The following SLC39A11 variants were observed in gnomAD, a reference collection of about 807,000 sequenced individuals.
SLC39A11 encodes the protein zinc transporter ZIP11.
In SLC39A11, 33 loss-of-function variants were observed where a neutral mutation model predicts 36.1. The ratio of observed to expected loss-of-function variants is 0.91; its 90% CI spans 0.69 to 1.22. SLC39A11 has a LOEUF of 1.22. Ranked by LOEUF, SLC39A11 falls within the 50% of genes most tolerant of loss-of-function variation. The pLI is 0.00. For missense variants in SLC39A11, 432 were observed against 430.3 expected (o/e 1.00, Z -0.03); for synonymous variants, 166 against 170.3 (o/e 0.97, Z 0.20).
intron 3 of SLC39A11, among the ~76,000 whole-genome samples, chr17:73,053,319 T>C (rs1233723081): frequency 6.6e-6 from 1 of 151,946 alleles, no homozygotes; most frequent in Non-Finnish European, 1.5e-5. Flanking sequence ...TAGGAGTCTG[T>C]ATGGAGAAGT....
intron 5 of SLC39A11, among the ~76,000 whole-genome samples, chr17:72,863,600 G>A (rs2080150768): frequency 6.6e-6 from 1 of 152,122 alleles, no homozygotes; most frequent in Non-Finnish European, 1.5e-5. Flanking sequence ...CACCTCAAGT[G>A]GCAAGTTCTG....
chr17:73,047,582 G>C (rs1015862589), intron 3 of SLC39A11, among the ~76,000 whole-genome samples: 7 of 152,050 alleles, frequency 4.6e-5, no homozygotes, highest in African/African-American at 1.7e-4. Context: ...ACAGAGGCTG[G>C]AGAGGTTAAA....
At chr17:73,008,438 C>G (rs1339304203) in intron 4 of SLC39A11, among the ~76,000 whole-genome samples, 2 of 152,242 alleles carry the variant, frequency 1.3e-5, no homozygotes, top group Non-Finnish European at 2.9e-5. Flanking sequence ...CCCGTGCCGA[C>G]TGCCCAAGTG....
intron 6 of SLC39A11, among the ~76,000 whole-genome samples, chr17:72,808,976 C>G (rs764852825): frequency 1.3e-5 from 2 of 152,144 alleles, no homozygotes; most frequent in Non-Finnish European, 2.9e-5. Context: ...ACTTGGCTGT[C>G]CTTATGTTAA....
rs954760488 is a variant in SLC39A11, at chr17:72,914,426, A to G, written c.430+33326T>C. ...TAGCAGTGATATAGTATTAGGTATGATAAGTAACCTAGAGATGACTGAAAG... is the reference window on the plus strand; with the variant it reads ...TAGCAGTGATATAGTATTAGGTATGGTAAGTAACCTAGAGATGACTGAAAG... On this transcript the variant is annotated intron_variant, in intron 5 of 9. Transcript: ENST00000255559. Among the ~76,000 whole-genome samples, 6 of 152,242 alleles carry G rather than the reference A, an allele frequency of 3.9e-5. 1 individual carries two copies. Among genetic ancestry groups the G allele is most frequent in the Non-Finnish European group, 8.8e-5 (6 of 68,040 alleles).
At chr17:72,986,196 C>A (rs2088736385) in intron 4 of SLC39A11, among the ~76,000 whole-genome samples, 1 of 152,320 alleles carries the variant, frequency 6.6e-6, no homozygotes, top group South Asian at 2.1e-4. Context: ...CCCTAGGAAA[C>A]CAGTTCACTC....
chr17:72,789,110 C>T (rs1016188779), intron 6 of SLC39A11, among the ~76,000 whole-genome samples: 3 of 151,762 alleles, frequency 2.0e-5, no homozygotes, highest in African/African-American at 7.3e-5. Context: ...TCTCAGCTCA[C>T]TGCAACCTCT....
chr17:72,760,330 T>C (rs973139297), intron 6 of SLC39A11, among the ~76,000 whole-genome samples: 1 of 152,216 alleles, frequency 6.6e-6, no homozygotes. Flanking sequence ...GCCCAGCCAT[T>C]GTGGAGCATA....
chr17:72,918,757 G>A (rs776353788), intron 5 of SLC39A11, among the ~76,000 whole-genome samples: 10 of 152,068 alleles, frequency 6.6e-5, no homozygotes, highest in East Asian at 1.9e-4. Context: ...AAGGGCCCCC[G>A]GCCAGCCTTA....
At chr17:72,944,197 A>G (rs2085284679) in intron 5 of SLC39A11, among the ~76,000 whole-genome samples, 1 of 152,126 alleles carries the variant, frequency 6.6e-6, no homozygotes, top group South Asian at 2.1e-4. Context: ...CTCCCAATAA[A>G]GCTGTTCTTC....
chr17:73,013,720 G>A lies in SLC39A11; in HGVS notation c.306+17836C>T, dbSNP rs190491697. ...TTTTTTTTTTAGCTCATCAGCTATC[G>A]TTAGTATTTGTTCCTGTATTTTATG... On this transcript the variant is annotated intron_variant, in intron 4 of 9. Transcript: ENST00000255559. Among the ~76,000 whole-genome samples, 169 of 151,552 alleles carry A rather than the reference G, an allele frequency of 1.1e-3. No homozygotes were observed. The East Asian group carries it at 0.018, about 16-fold the overall frequency.
intron 6 of SLC39A11, among the ~76,000 whole-genome samples, chr17:72,813,140 CT>C (rs2077483013): frequency 6.6e-6 from 1 of 152,186 alleles, no homozygotes; most frequent in African/African-American, 2.4e-5. Flanking sequence ...TGCTATTGGT[CT>C]TCCAAAGACT....
chr17:72,830,896 C>T (rs1422635130), intron 6 of SLC39A11, among the ~76,000 whole-genome samples: 1 of 152,156 alleles, frequency 6.6e-6, no homozygotes, highest in Admixed American at 6.5e-5. Flanking sequence ...ACTTCTCCCA[C>T]ATCCCCACTC....
intron 6 of SLC39A11, among the ~76,000 whole-genome samples, chr17:72,755,805 C>A (rs1455929034): frequency 6.6e-6 from 1 of 152,194 alleles, no homozygotes; most frequent in Non-Finnish European, 1.5e-5. Flanking sequence ...TGCTTCTCTC[C>A]TCAGCTGCCA....
chr17:72,919,438 T>A (rs1047352074), intron 5 of SLC39A11, among the ~76,000 whole-genome samples: 6 of 151,666 alleles, frequency 4.0e-5, no homozygotes, highest in African/African-American at 1.5e-4. Context: ...GTAGAGGGGC[T>A]TTTGATGATA....
At chr17:72,872,732 G>T (rs1254817678) in intron 5 of SLC39A11, among the ~76,000 whole-genome samples, 1 of 152,098 alleles carries the variant, frequency 6.6e-6, no homozygotes, top group African/African-American at 2.4e-5. Flanking sequence ...AACTGTCTTT[G>T]TAAAACTAAC....
At chr17:72,953,242 G>A (rs1011424050) in intron 4 of SLC39A11, among the ~76,000 whole-genome samples, 2 of 151,796 alleles carry the variant, frequency 1.3e-5, no homozygotes, top group Non-Finnish European at 2.9e-5. Flanking sequence ...TCCCTGGCTC[G>A]GAATAAACAG....
At chr17:72,840,396 G>A (rs1233510615) in intron 6 of SLC39A11, among the ~76,000 whole-genome samples, 1 of 152,224 alleles carries the variant, frequency 6.6e-6, no homozygotes, top group Non-Finnish European at 1.5e-5. Context: ...GGCAGCAAGA[G>A]TCTGCCAATG....
intron 5 of SLC39A11, among the ~76,000 whole-genome samples, chr17:72,917,548 T>A (rs1237938312): frequency 6.6e-6 from 1 of 152,096 alleles, no homozygotes; most frequent in African/African-American, 2.4e-5. Context: ...GCAAGCAGCA[T>A]GCAAGACACT....
Sources: gnomAD v4.1 joint callset for allele counts (sites outside exome capture counted in the v4.1 genomes callset) on GRCh38, gnomAD v4.1.1 for gene constraint, MANE v1.5 for transcripts, NCBI Gene and HGNC (gene_info 2026-07-23, HGNC 2026-07-21) for gene names.